ITGA2: variants seen among roughly 807,000 people sequenced by gnomAD.
The protein encoded by ITGA2 is integrin alpha-2.
ITGA2 carries 101 observed loss-of-function variants against 146.3 expected under a neutral mutation model. The observed-to-expected ratio is 0.69, with a 90% confidence interval of 0.59 to 0.81. The LOEUF is 0.81. Ranked by LOEUF, ITGA2 falls within the 40% of genes least tolerant of loss-of-function variation. The pLI is 0.00. For synonymous variants in ITGA2, 477 were observed against 487.1 expected, an observed-to-expected ratio of 0.98 and a Z score of 0.27; for missense variants, 1,281 against 1,402.7, an observed-to-expected ratio of 0.91 and a Z score of 1.39.
intron 7 of ITGA2, among the ~76,000 whole-genome samples, chr5:53,052,249 C>T (rs556778281): frequency 3.3e-5 from 5 of 152,200 alleles, no homozygotes; most frequent in African/African-American, 1.2e-4. Context: ...TCCCCCACCC[C>T]TTGACAGGCC....
At chr5:53,041,419 A>G (rs1201532509) in intron 2 of ITGA2, among the ~76,000 whole-genome samples, 2 of 152,202 alleles carry the variant, frequency 1.3e-5, no homozygotes, top group African/African-American at 4.8e-5. Context: ...TTTGCTAAGT[A>G]TCCTCTCATA....
chr5:53,080,707 C>A, intron 25 of ITGA2, 86 bp downstream of exon 25: 2 of 990,046 alleles, frequency 2.0e-6, no homozygotes, highest in Non-Finnish European at 3.2e-6. Flanking sequence ...TGACATTTTA[C>A]AGATGGGAAA....
rs1281926884 is a variant in ITGA2, at chr5:53,075,303, A to AG, written c.2825+1dup. ...GTATGATGCTGAAATTCACTTAACAAGGTAGGTGAAGCAGTGGGTAACCTG... is the reference window on the plus strand; with the variant it reads ...GTATGATGCTGAAATTCACTTAACAAGGGTAGGTGAAGCAGTGGGTAACCTG... On this transcript the variant is annotated frameshift_variant and splice_region_variant, in exon 23 of 30. Transcript: ENST00000296585. LOFTEE classifies it high-confidence loss of function. The AG allele has an allele frequency of 6.2e-7, 1 of 1,610,948 alleles. No homozygotes were observed. Among genetic ancestry groups the AG allele is most frequent in the African/African-American group, 1.3e-5 (1 of 74,790 alleles).
Position 53,091,059 on chromosome 5 carries a change from G to T in ITGA2, c.*460G>T. The T allele has an allele frequency of 3.6e-6, 1 of 277,038 alleles. No homozygotes were observed. Among genetic ancestry groups the T allele is most frequent in the Non-Finnish European group, 6.6e-6 (1 of 151,164 alleles). 17.2% of individuals were successfully genotyped at this position (277,038 alleles called of 1,614,324 possible). ...TACTTCCACTTGTGTATATTTTAAT[G>T]AATATTGATGTTAACAAGAGGGGAA... On this transcript the variant is annotated 3_prime_UTR_variant, in exon 30 of 30. Coordinates refer to ENST00000296585, the MANE Select transcript of ITGA2 (RefSeq NM_002203.4).
Position 52,989,440 on chromosome 5 carries a change from G to T in ITGA2, c.-29G>T. The T allele has an allele frequency of 2.5e-6, 4 of 1,613,222 alleles. No homozygotes were observed. Among genetic ancestry groups the T allele is most frequent in the Non-Finnish European group, 3.4e-6 (4 of 1,179,138 alleles). On this transcript the variant is annotated 5_prime_UTR_variant, in exon 1 of 30. Transcript: ENST00000296585. ...CTCTGCAAACCTCTGCAAACCCAGC[G>T]CAACTACGGTCCCCCGGTCAGACCC... is the stretch of plus-strand genomic sequence containing the variant.
At chr5:53,061,991 T>C (rs950841598) in intron 12 of ITGA2, among the ~76,000 whole-genome samples, 8 of 151,924 alleles carry the variant, frequency 5.3e-5, no homozygotes, top group Admixed American at 1.3e-4. Context: ...GACAGTGTTA[T>C]GGAAGGAATC....
At chr5:53,027,501 A>G (rs759683407) in intron 2 of ITGA2, among the ~76,000 whole-genome samples, 12 of 152,242 alleles carry the variant, frequency 7.9e-5, no homozygotes, top group Non-Finnish European at 1.3e-4. Flanking sequence ...GTGAAAAACA[A>G]CCACCTCAAT....
chr5:52,995,068 C>T (rs1741168430), intron 1 of ITGA2, among the ~76,000 whole-genome samples: 2 of 152,244 alleles, frequency 1.3e-5, no homozygotes, highest in Admixed American at 1.3e-4. Context: ...GTTCCTGGGG[C>T]AGATGTTTAG....
At chr5:53,024,025 T>C (rs529561333) in intron 1 of ITGA2, among the ~76,000 whole-genome samples, 3 of 152,282 alleles carry the variant, frequency 2.0e-5, no homozygotes, top group Admixed American at 6.5e-5. Context: ...GGTCATGCTT[T>C]GTGAGGAAAA....
chr5:53,047,644 A>G (rs1276197438), intron 4 of ITGA2, among the ~76,000 whole-genome samples: 1 of 152,166 alleles, frequency 6.6e-6, no homozygotes, highest in African/African-American at 2.4e-5. Context: ...CAAATTAGGG[A>G]ATCTGGCAAC....
chr5:53,070,237 C>G lies in ITGA2; in HGVS notation c.2212C>G (p.Pro738Ala), dbSNP rs746996192. ...GGTAGTAAATCAAGCACAGAGTTGC[C>G]CCGAGCACATCATTTATATACAGGT... is the stretch of plus-strand genomic sequence containing the variant. ...NMVVNQAQSC[P>A]EHIIYIQEPS... Residue 738 changes from proline to alanine, a missense_variant, in exon 17 of 30, where the codon CCC becomes GCC. This residue lies in a region of ITGA2 where 475 missense variants were observed against 530.5 expected (regional missense o/e 0.90). Coordinates refer to ENST00000296585, the MANE Select transcript of ITGA2 (RefSeq NM_002203.4). 5 of 1,611,668 alleles carry G rather than the reference C, an allele frequency of 3.1e-6. No individual in the cohort carries two copies. In the Admixed American group the frequency reaches 8.4e-5, roughly 27 times the overall value.
At chr5:53,048,272 A>G (rs1489494745) in intron 4 of ITGA2, 91 bp from the exon 5 acceptor site, 7 of 928,054 alleles carry the variant, frequency 7.5e-6, no homozygotes, top group African/African-American at 1.6e-5. Flanking sequence ...CTTAGAAAAG[A>G]GTAGAGATGA....
At chr5:53,015,441 G>A (rs1393952958) in intron 1 of ITGA2, among the ~76,000 whole-genome samples, 4 of 149,390 alleles carry the variant, frequency 2.7e-5, no homozygotes, top group Non-Finnish European at 1.5e-5. Flanking sequence ...TATTTTTATT[G>A]TGCTGTGGTC....
intron 1 of ITGA2, among the ~76,000 whole-genome samples, chr5:53,009,514 T>TAGGAA (rs1742019190): frequency 6.6e-6 from 1 of 152,174 alleles, no homozygotes; most frequent in Non-Finnish European, 1.5e-5. Flanking sequence ...GGAACTTGGA[T>TAGGAA]ATTTAGCTGA....
intron 10 of ITGA2, among the ~76,000 whole-genome samples, 154 bp from the exon 11 acceptor site, chr5:53,059,720 A>G (rs1267800059): frequency 1.3e-5 from 2 of 151,986 alleles, no homozygotes; most frequent in African/African-American, 4.8e-5. Context: ...GCACAAATAT[A>G]TTAAGACAAT....
intron 28 of ITGA2, among the ~76,000 whole-genome samples, chr5:53,088,667 CAG>C (rs938305102): frequency 3.7e-4 from 45 of 120,264 alleles, no homozygotes; most frequent in African/African-American, 1.4e-3. Context: ...GCCTGTATAA[CAG>C]AGAGAGACTC....
At chr5:53,071,898 C>A in intron 17 of ITGA2, 40 bp from the exon 18 acceptor site, 1 of 1,442,026 alleles carries the variant, frequency 6.9e-7, no homozygotes, top group Non-Finnish European at 9.8e-7. Flanking sequence ...AATAAACTGA[C>A]TCTGTCTCCC....
intron 18 of ITGA2, 50 bp downstream of exon 18, chr5:53,072,098 C>G: frequency 8.0e-7 from 1 of 1,251,052 alleles, no homozygotes; most frequent in Admixed American, 1.7e-5. Flanking sequence ...TAAAGTTCCA[C>G]AGTCACTGCA....
At chr5:53,064,076 C>A (rs189561627) in intron 13 of ITGA2, among the ~76,000 whole-genome samples, 1 of 151,808 alleles carries the variant, frequency 6.6e-6, no homozygotes, top group Non-Finnish European at 1.5e-5. Flanking sequence ...TACAAGGAAA[C>A]GTCTTTTCCT....
Sources: allele counts gnomAD v4.1 joint callset (sites outside exome capture counted in the v4.1 genomes callset), GRCh38; gene constraint gnomAD v4.1.1; regional missense constraint gnomAD v4.1.1; transcripts MANE v1.5; gene names NCBI Gene and HGNC (gene_info 2026-07-23, HGNC 2026-07-21).